TANC1: variants seen among roughly 807,000 people sequenced by gnomAD.
TANC1 encodes tetratricopeptide repeat, ankyrin repeat and coiled-coil containing 1.
TANC1 carries 77 observed loss-of-function variants against 149.7 expected under a neutral mutation model. That is an observed-to-expected ratio of 0.51 (90% CI 0.43 to 0.62). The LOEUF (loss-of-function observed/expected upper bound fraction) is 0.62. Among genes scored for constraint, TANC1 ranks in the 20% least tolerant of loss-of-function variants. The probability of loss-of-function intolerance (pLI) is 0.00; values close to 1 mark genes in which losing one functional copy is unlikely to be tolerated. For synonymous variants in TANC1, 854 were observed against 925.0 expected (o/e 0.92, Z 1.39); for missense variants, 1,985 against 2,321.8 (o/e 0.85, Z 2.98).
At chr2:159,184,433 C>T (rs115297082) in intron 14 of TANC1, among the ~76,000 whole-genome samples, 3,310 of 152,234 alleles carry the variant, frequency 0.022, 110 homozygotes, top group African/African-American at 0.07. Context: ...GCACTGGAAA[C>T]TTTAGGCCCG....
intron 4 of TANC1, among the ~76,000 whole-genome samples, chr2:159,126,053 C>T (rs2049414790): frequency 1.3e-5 from 2 of 152,156 alleles, no homozygotes; most frequent in Admixed American, 6.5e-5. Context: ...CTCACTTCTG[C>T]TTTCGAGGGT....
In TANC1 at chr2:159,227,845, G is replaced by C; in HGVS notation, c.3930G>C (p.Gln1310His). 1 of 1,614,126 alleles carries C rather than the reference G, an allele frequency of 6.2e-7. No homozygotes were observed. Among genetic ancestry groups the C allele is most frequent in the Non-Finnish European group, 8.5e-7 (1 of 1,180,008 alleles). The change falls in exon 25 of 27, where the codon CAG becomes CAC. Residue 1310 changes from glutamine (Q) to histidine (H), a missense_variant. By Grantham distance (24) the Gln-to-His change is conservative. Coordinates refer to ENST00000263635, the MANE Select transcript of TANC1 (RefSeq NM_033394.3). Reference protein sequence around the residue: ...YKKGKMKEAAQRYQYALRKFP... With the variant: ...YKKGKMKEAAHRYQYALRKFP... ...AAGGGAAAATGAAAGAGGCAGCCCA[G>C]AGGTACCAGTATGCCTTAAGAAAGT...
At chr2:159,177,692 A>G (rs1047688681) in intron 13 of TANC1, among the ~76,000 whole-genome samples, 3 of 152,226 alleles carry the variant, frequency 2.0e-5, no homozygotes, top group Non-Finnish European at 4.4e-5. Flanking sequence ...CTTTATCTAC[A>G]TTGTTATATT....
At chr2:159,056,309 T>G (rs1239355437) in intron 2 of TANC1, 1 of 176,618 alleles carries the variant, frequency 5.7e-6, no homozygotes, top group African/African-American at 2.4e-5. Context: ...TTATTTATTT[T>G]ATTTATTTAT....
At chr2:159,227,624 T>A in intron 24 of TANC1, 195 bp from the exon 25 acceptor site, 1 of 597,924 alleles carries the variant, frequency 1.7e-6, no homozygotes, top group Non-Finnish European at 2.9e-6. Flanking sequence ...TGCGGGTGCA[T>A]GTGAGGACAG....
intron 2 of TANC1, among the ~76,000 whole-genome samples, chr2:159,048,014 G>A (rs2041202760): frequency 6.6e-6 from 1 of 151,974 alleles, no homozygotes; most frequent in Admixed American, 6.6e-5. Flanking sequence ...TTTTTTCACA[G>A]CTATTCTGAG....
rs141812746 is a variant in TANC1 at position 159,220,254 on chromosome 2, T to G, written c.3678+387T>G. Among the ~76,000 whole-genome samples, 602 of 151,990 alleles carry G rather than the reference T, an allele frequency of 4.0e-3. 10 individuals are homozygous for G. The highest frequency in any genetic ancestry group is 0.014 in the African/African-American group (563 of 41,434). On this transcript the variant is annotated intron_variant, in intron 22 of 26. Transcript: ENST00000263635. ...ACTACTTTTATATATGGTAAGTGAC[T>G]AATCAAATGACTACCTGGTTGCTTT... is the stretch of plus-strand genomic sequence containing the variant.
chr2:159,195,761 T>C (rs942219761), intron 17 of TANC1, among the ~76,000 whole-genome samples: 16 of 152,244 alleles, frequency 1.1e-4, no homozygotes, highest in Admixed American at 3.9e-4. Flanking sequence ...CTTTACACTT[T>C]ATTCTGAGGC....
intron 25 of TANC1, 127 bp downstream of exon 25, chr2:159,228,092 A>G: frequency 9.8e-7 from 1 of 1,015,358 alleles, no homozygotes; most frequent in Non-Finnish European, 1.4e-6. Flanking sequence ...CATTTACATG[A>G]ACCTGGCATG....
At chr2:159,219,174 C>A in intron 20 of TANC1, 64 bp from the exon 21 acceptor site, 1 of 1,596,372 alleles carries the variant, frequency 6.3e-7, no homozygotes, top group Non-Finnish European at 8.6e-7. Context: ...AGAAACCTGC[C>A]TGGGTATAGC....
chr2:158,972,626 C>T (rs1379407074), intron 1 of TANC1, among the ~76,000 whole-genome samples: 1 of 152,190 alleles, frequency 6.6e-6, no homozygotes, highest in Non-Finnish European at 1.5e-5. Context: ...TCTTTTATGT[C>T]TGAGCAGCTT....
At chr2:159,023,350 T>C (rs893948197) in intron 2 of TANC1, among the ~76,000 whole-genome samples, 11 of 151,982 alleles carry the variant, frequency 7.2e-5, no homozygotes, top group East Asian at 1.9e-4. Context: ...CCTTTTTTTT[T>C]CTTTTTTTTT....
intron 7 of TANC1, among the ~76,000 whole-genome samples, chr2:159,153,783 G>A (rs992740231): frequency 4.6e-5 from 7 of 152,194 alleles, no homozygotes; most frequent in African/African-American, 1.7e-4. Context: ...TGTGATTGCT[G>A]GAGTAGGGGT....
chr2:159,050,794 A>G (rs1028711950), intron 2 of TANC1, among the ~76,000 whole-genome samples: 1 of 152,190 alleles, frequency 6.6e-6, no homozygotes, highest in African/African-American at 2.4e-5. Flanking sequence ...TAAATCTTGC[A>G]TTTGTATTGA....
At chr2:159,224,134 T>TA in intron 22 of TANC1, 98 bp from the exon 23 acceptor site, 1 of 1,427,726 alleles carries the variant, frequency 7.0e-7, no homozygotes, top group South Asian at 1.2e-5. Context: ...CAGAGGCATC[T>TA]AAAATCAGAG....
At chr2:159,228,633 C>T in intron 25 of TANC1, 163 bp from the exon 26 acceptor site, 2 of 634,304 alleles carry the variant, frequency 3.2e-6, no homozygotes, top group Non-Finnish European at 5.7e-6. Context: ...AATCAACCAT[C>T]ATTATCTCCT....
At chr2:159,171,617 T>G (rs113729834) in intron 10 of TANC1, among the ~76,000 whole-genome samples, 4,402 of 152,006 alleles carry the variant, frequency 0.029, 85 homozygotes, top group Non-Finnish European at 0.046. Flanking sequence ...AGCACTTTGG[T>G]AGGCCAAGAT....
chr2:159,077,629 A>C (rs987925841), intron 3 of TANC1, among the ~76,000 whole-genome samples: 1 of 152,108 alleles, frequency 6.6e-6, no homozygotes, highest in African/African-American at 2.4e-5. Context: ...CATTTTATAC[A>C]TTTTTTTCAT....
intron 26 of TANC1, 124 bp downstream of exon 26, chr2:159,229,020 T>TAATACTAATTCACTACTA: frequency 1.5e-6 from 1 of 687,340 alleles, no homozygotes; most frequent in Non-Finnish European, 2.5e-6. Context: ...TTTTTAGTAG[T>TAATACTAATTCACTACTA]GAATTAGTAT....
Sources: gnomAD v4.1 joint callset for allele counts (sites outside exome capture counted in the v4.1 genomes callset) on GRCh38, gnomAD v4.1.1 for gene constraint, MANE v1.5 for transcripts, NCBI Gene and HGNC (gene_info 2026-07-23, HGNC 2026-07-21) for gene names.